Variants in PLAAT5 observed in about 807,000 individuals in gnomAD.
The protein encoded by PLAAT5 is phospholipase A and acyltransferase 5.
In PLAAT5, 27 loss-of-function variants were observed where a neutral mutation model predicts 27.8. The ratio of observed to expected loss-of-function variants is 0.97; its 90% confidence interval spans 0.72 to 1.34. The LOEUF (loss-of-function observed/expected upper bound fraction) is 1.34, where lower values mean the gene tolerates loss of function less well. Among genes scored for constraint, PLAAT5 ranks in the 40% most tolerant of loss-of-function variants. PLAAT5 has a pLI of 0.00. For missense variants in PLAAT5, 368 were observed against 343.8 expected, an observed-to-expected ratio of 1.07 and a Z score of -0.56; for synonymous variants, 125 against 136.1, an observed-to-expected ratio of 0.92 and a Z score of 0.57.
At chr11:63,482,242 C>T (rs1233434982) in intron 3 of PLAAT5, among the ~76,000 whole-genome samples, 1 of 152,050 alleles carries the variant, frequency 6.6e-6, no homozygotes, top group Non-Finnish European at 1.5e-5. Context: ...CAGATCTAGA[C>T]ATCAAAATAC....
At chr11:63,469,444 G>A (rs1167174488) in intron 3 of PLAAT5, 2 of 244,302 alleles carry the variant, frequency 8.2e-6, no homozygotes, top group Non-Finnish European at 1.8e-5. Context: ...GGAATATGGA[G>A]AGACACAAGA....
chr11:63,474,942 TCCAAATA>T (rs754553881), intron 3 of PLAAT5, among the ~76,000 whole-genome samples: 1 of 152,108 alleles, frequency 6.6e-6, no homozygotes, highest in Non-Finnish European at 1.5e-5. Context: ...TTGCTTAATT[TCCAAATA>T]CTTGTAAATT....
intron 3 of PLAAT5, among the ~76,000 whole-genome samples, chr11:63,480,996 CTAAG>C (rs1434974884): frequency 6.6e-6 from 1 of 152,184 alleles, no homozygotes; most frequent in Non-Finnish European, 1.5e-5. Context: ...TTGTATATCT[CTAAG>C]TGTGTCTTTC....
chr11:63,480,941 CT>C (rs2016269235), intron 3 of PLAAT5, among the ~76,000 whole-genome samples: 1 of 152,182 alleles, frequency 6.6e-6, no homozygotes, highest in Non-Finnish European at 1.5e-5. Context: ...TGTCTTCAAG[CT>C]CTTTCTTTTA....
chr11:63,475,651 G>T (rs1433607387), intron 3 of PLAAT5, among the ~76,000 whole-genome samples: 4 of 151,614 alleles, frequency 2.6e-5, no homozygotes, highest in East Asian at 1.9e-4. Context: ...TAATTTTACT[G>T]TCAATCTTCT....
At chr11:63,484,573 G>C (rs1023086592) in intron 3 of PLAAT5, among the ~76,000 whole-genome samples, 1 of 152,006 alleles carries the variant, frequency 6.6e-6, no homozygotes, top group Non-Finnish European at 1.5e-5. Flanking sequence ...CACAGAAATA[G>C]CATTTGACAA....
At chr11:63,466,983 T>C (rs775345856) in intron 4 of PLAAT5, among the ~76,000 whole-genome samples, 2 of 152,110 alleles carry the variant, frequency 1.3e-5, no homozygotes, top group Non-Finnish European at 2.9e-5. Flanking sequence ...GTTTGAAAGG[T>C]GCTACATTAT....
chr11:63,483,822 T>TATATAC (rs1555028265), intron 3 of PLAAT5, among the ~76,000 whole-genome samples: 22 of 103,346 alleles, frequency 2.1e-4, no homozygotes, highest in Non-Finnish European at 4.1e-4. Context: ...TATATATATA[T>TATATAC]ATATATATAT....
chr11:63,479,958 CCT>C (rs1290914084), intron 3 of PLAAT5, among the ~76,000 whole-genome samples: 4 of 152,164 alleles, frequency 2.6e-5, no homozygotes, highest in South Asian at 2.1e-4. Context: ...TGAACTAACC[CCT>C]GATTCCATCT....
At chr11:63,465,018 C>A (rs2120205384) in intron 5 of PLAAT5, among the ~76,000 whole-genome samples, 1 of 152,256 alleles carries the variant, frequency 6.6e-6, no homozygotes, top group South Asian at 2.1e-4. Flanking sequence ...GTGGCTCATG[C>A]CTGTAATCTA....
In PLAAT5 at chr11:63,477,843, G is replaced by A. The variant is rs112328150; in HGVS notation, c.346-9378C>T. On this transcript the variant is annotated intron_variant, in intron 3 of 5. Coordinates refer to ENST00000540857, the MANE Select transcript of PLAAT5 (RefSeq NM_001146729.2). ...CAGAAGTTGAGCCACACCTTGTGCC[G>A]CGAAGGCTTTACCTTTTGTCAGTGG... Among the ~76,000 whole-genome samples, 16 of 152,126 alleles carry A rather than the reference G, an allele frequency of 1.1e-4. No homozygotes were observed. In the East Asian group the frequency reaches 1.5e-3, roughly 15 times the overall value.
intron 4 of PLAAT5, 62 bp from the exon 5 acceptor site, chr11:63,466,434 T>G: frequency 6.5e-7 from 1 of 1,536,604 alleles, no homozygotes; most frequent in Non-Finnish European, 8.8e-7. Context: ...GAGCACAGTC[T>G]AAGACTCTGA....
At chr11:63,488,770 C>G (rs896876621) in intron 3 of PLAAT5, 101 bp downstream of exon 3, 4 of 691,784 alleles carry the variant, frequency 5.8e-6, no homozygotes, top group Non-Finnish European at 9.9e-6. Context: ...CCCAGGGAAG[C>G]CTAAAGATTG....
At chr11:63,486,788 C>T (rs2016445830) in intron 3 of PLAAT5, among the ~76,000 whole-genome samples, 1 of 152,296 alleles carries the variant, frequency 6.6e-6, no homozygotes, top group East Asian at 1.9e-4. Flanking sequence ...CAAACACCAC[C>T]TGTTCCCCCA....
chr11:63,478,786 A>G (rs2016213979), intron 3 of PLAAT5, among the ~76,000 whole-genome samples: 1 of 152,194 alleles, frequency 6.6e-6, no homozygotes, highest in South Asian at 2.1e-4. Flanking sequence ...ACTTGCAGCA[A>G]TGAGTTTTTG....
chr11:63,490,649 T>A, intron 1 of PLAAT5: 1 of 608,554 alleles, frequency 1.6e-6, no homozygotes, highest in Non-Finnish European at 2.9e-6. Flanking sequence ...AACACCACCC[T>A]CCGGAGCTGC....
rs371768646 is a variant in PLAAT5 at position 63,490,097 on chromosome 11, G to T, written c.239+146C>A. On this transcript the variant is annotated intron_variant, in intron 2 of 5. Transcript: ENST00000540857. ...CCCAGTACCATCTGTTATCACCCAG[G>T]ATCACACCAGCCTTCCCCTTGCTGG... is the stretch of plus-strand genomic sequence containing the variant. 37 of 1,047,518 alleles carry T rather than the reference G, an allele frequency of 3.5e-5. 1 individual carries two copies. In the East Asian group the frequency reaches 4.8e-4, roughly 14 times the overall value. The allele number at this position is 1,047,518 out of a possible 1,614,324, so 64.9% of individuals were successfully genotyped here.
intron 3 of PLAAT5, among the ~76,000 whole-genome samples, chr11:63,483,797 A>ATG (rs1565215169): frequency 1.5e-4 from 8 of 54,102 alleles, no homozygotes; most frequent in African/African-American, 7.7e-4. Context: ...ATATATATAT[A>ATG]TATGTATATA....
intron 3 of PLAAT5, among the ~76,000 whole-genome samples, chr11:63,475,235 A>G (rs771997361): frequency 6.6e-6 from 1 of 152,052 alleles, no homozygotes; most frequent in Non-Finnish European, 1.5e-5. Context: ...CACTATTGAG[A>G]GTGGGGTATT....
Sources: allele counts gnomAD v4.1 joint callset (sites outside exome capture counted in the v4.1 genomes callset), GRCh38; gene constraint gnomAD v4.1.1; transcripts MANE v1.5; gene names NCBI Gene and HGNC (gene_info 2026-07-23, HGNC 2026-07-21).